The following ATG14 variants were observed in gnomAD, a reference collection of about 807,000 sequenced individuals.
The protein encoded by ATG14 is autophagy related 14.
ATG14 carries 35 observed loss-of-function variants against 60.4 expected under a neutral mutation model. The ratio of observed to expected loss-of-function variants is 0.58; its 90% CI spans 0.44 to 0.77. ATG14 has a LOEUF of 0.77. Ranked by LOEUF, ATG14 falls within the 30% of genes least tolerant of loss-of-function variation. The pLI is 0.00. For synonymous variants in ATG14, 234 were observed against 228.8 expected (o/e 1.02, Z -0.21); for missense variants, 647 against 626.3 (o/e 1.03, Z -0.35).
intron 4 of ATG14, among the ~76,000 whole-genome samples, chr14:55,390,685 T>C (rs74948552): frequency 0.02 from 3,030 of 152,312 alleles, 80 homozygotes; most frequent in African/African-American, 0.069. Context: ...ACTTTTTTAA[T>C]TGAGAAAAGA....
intron 5 of ATG14, among the ~76,000 whole-genome samples, chr14:55,384,402 T>C (rs928325107): frequency 4.6e-5 from 7 of 152,224 alleles, no homozygotes; most frequent in Admixed American, 1.3e-4. Context: ...TCAGCACTGC[T>C]ACAACACTAT....
intron 9 of ATG14, among the ~76,000 whole-genome samples, chr14:55,372,681 C>T (rs1364814067): frequency 6.6e-6 from 1 of 151,654 alleles, no homozygotes; most frequent in East Asian, 1.9e-4. Context: ...CTCCCTGCTC[C>T]CTTCCTTCCT....
chr14:55,371,014 C>A (rs1036993821), intron 9 of ATG14, among the ~76,000 whole-genome samples: 6 of 152,156 alleles, frequency 3.9e-5, no homozygotes, highest in African/African-American at 1.4e-4. Flanking sequence ...GGCTGCATGT[C>A]CTCCCTGTAG....
chr14:55,377,762 A>C, intron 9 of ATG14, 57 bp downstream of exon 9: 1 of 1,307,244 alleles, frequency 7.6e-7, no homozygotes, highest in Non-Finnish European at 1.1e-6. Context: ...CCAACATACA[A>C]CTCCTCTAAC....
Position 55,397,453 on chromosome 14 carries a change from A to T in ATG14, c.222-19T>A, listed in dbSNP as rs375710925. 1 of 1,596,820 alleles carries T rather than the reference A, an allele frequency of 6.3e-7. No individual in the cohort carries two copies. Among genetic ancestry groups the T allele is most frequent in the Non-Finnish European group, 8.6e-7 (1 of 1,164,912 alleles). On this transcript the variant is annotated intron_variant, in intron 1 of 9. Coordinates refer to ENST00000247178, the MANE Select transcript of ATG14 (RefSeq NM_014924.5). ...GATAAACCTGTAACAAAAAAATTCA[A>T]TGTCTTATTTAAATGGTCATTTTTT...
At chr14:55,379,642 T>A (rs899809481) in intron 7 of ATG14, among the ~76,000 whole-genome samples, 10 of 152,368 alleles carry the variant, frequency 6.6e-5, no homozygotes, top group African/African-American at 2.4e-4. Context: ...TGTTTATATA[T>A]GCTTGAAATG....
At chr14:55,373,010 G>GAGGGTCCTGGC (rs11275289) in intron 9 of ATG14, among the ~76,000 whole-genome samples, 58,945 of 151,710 alleles carry the variant, frequency 0.39, 11,761 homozygotes, top group Non-Finnish European at 0.42. Context: ...AGAGCAGGAG[G>GAGGGTCCTGGC]AGAGGCCCCT....
At chr14:55,406,400 G>C (rs1051039165) in intron 1 of ATG14, among the ~76,000 whole-genome samples, 1 of 152,232 alleles carries the variant, frequency 6.6e-6, no homozygotes, top group Non-Finnish European at 1.5e-5. Context: ...TACAGTTAGT[G>C]AGGGGCTTTT....
chr14:55,402,395 T>C (rs79911329), intron 1 of ATG14, among the ~76,000 whole-genome samples: 8,938 of 152,272 alleles, frequency 0.059, 334 homozygotes, highest in South Asian at 0.089. Context: ...ATATTCGACC[T>C]TTTGATTCGG....
chr14:55,373,210 A>G (rs908258605), intron 9 of ATG14, among the ~76,000 whole-genome samples: 1 of 152,162 alleles, frequency 6.6e-6, no homozygotes, highest in Non-Finnish European at 1.5e-5. Context: ...TGAATAATGG[A>G]TATCTTTTTA....
chr14:55,395,416 G>A (rs934905005), intron 3 of ATG14, among the ~76,000 whole-genome samples: 3 of 152,216 alleles, frequency 2.0e-5, no homozygotes, highest in East Asian at 1.9e-4. Flanking sequence ...GCTGTGGCAC[G>A]ATCTTGGCTC....
At chr14:55,406,029 C>CA (rs1186094610) in intron 1 of ATG14, among the ~76,000 whole-genome samples, 7 of 152,060 alleles carry the variant, frequency 4.6e-5, no homozygotes, top group East Asian at 1.9e-4. Context: ...CGAACAACGA[C>CA]AAAAAAATAA....
At position 55,367,462 on chromosome 14, in the gene ATG14, G is replaced by T. The variant is rs1468483522; in HGVS notation, c.*2157C>A. ...AGCAGTGTAGAAGAACCCATAAGGG[G>T]CCGGGCGCGGTGGCTCAGGCCTGTA... is the stretch of plus-strand genomic sequence containing the variant. On this transcript the variant is annotated 3_prime_UTR_variant, in exon 10 of 10. Transcript: ENST00000247178. The T allele has an allele frequency of 6.6e-6, 1 of 152,230 alleles. No individual in the cohort carries two copies. The highest frequency in any genetic ancestry group is 2.4e-5 in the African/African-American group (1 of 41,450). 9.4% of individuals were successfully genotyped at this position (152,230 alleles called of 1,614,324 possible).
At chr14:55,376,744 C>T (rs1884925436) in intron 9 of ATG14, among the ~76,000 whole-genome samples, 2 of 152,152 alleles carry the variant, frequency 1.3e-5, no homozygotes. Flanking sequence ...TTTGTCTTTT[C>T]TTGAGTTCTC....
At position 55,377,112 on chromosome 14, in the gene ATG14, C is replaced by T. The variant is rs539715121; in HGVS notation, c.1172+707G>A. On this transcript the variant is annotated intron_variant, in intron 9 of 9. Transcript: ENST00000247178. ...CTGTAATCCCAGCACTTTGGGAAGCCGAAGCGGGTGGATCACCAGAGGTCA... is the reference window on the plus strand; with the variant it reads ...CTGTAATCCCAGCACTTTGGGAAGCTGAAGCGGGTGGATCACCAGAGGTCA... Among the ~76,000 whole-genome samples, 3 of 152,232 alleles carry T rather than the reference C, an allele frequency of 2.0e-5. No homozygotes were observed. In the South Asian group the frequency reaches 6.2e-4, roughly 32 times the overall value.
intron 1 of ATG14, among the ~76,000 whole-genome samples, chr14:55,406,440 G>A (rs532918572): frequency 1.3e-5 from 2 of 152,248 alleles, no homozygotes; most frequent in Admixed American, 6.5e-5. Flanking sequence ...AGAGTCTAAA[G>A]GCAATCACAG....
At position 55,367,632 on chromosome 14, in the gene ATG14, T is replaced by C. The variant is rs1436449004; in HGVS notation, c.*1987A>G. The C allele has an allele frequency of 6.6e-6, 1 of 152,122 alleles. No homozygotes were observed. Among genetic ancestry groups the C allele is most frequent in the Non-Finnish European group, 1.5e-5 (1 of 68,070 alleles). 9.4% of individuals were successfully genotyped at this position (152,122 alleles called of 1,614,324 possible). A position where few individuals can be genotyped will look rare whatever the true frequency, so the allele number is the denominator to read the frequency against. On this transcript the variant is annotated 3_prime_UTR_variant, in exon 10 of 10. Transcript: ENST00000247178. ...GATGGCAGGTGCCTATAATCCCAGCTACTCGGGAGGTTGAGATGGAAGAAT... is the reference window on the plus strand; with the variant it reads ...GATGGCAGGTGCCTATAATCCCAGCCACTCGGGAGGTTGAGATGGAAGAAT...
In ATG14 at chr14:55,367,960, AAG is replaced by A. The variant is rs2140111752; in HGVS notation, c.*1657_*1658del. On this transcript the variant is annotated 3_prime_UTR_variant, in exon 10 of 10. Coordinates refer to ENST00000247178, the MANE Select transcript of ATG14 (RefSeq NM_014924.5). ...TCAACTACAATTATTATGATGAGAA[AAG>A]AAGCTGGGGCATGGCAAACCTCTGA... The A allele has an allele frequency of 6.5e-6, 1 of 152,708 alleles. No homozygotes were observed. The highest frequency in any genetic ancestry group is 1.9e-4 in the East Asian group (1 of 5,194). The allele number at this position is 152,708 out of a possible 1,614,324, so 9.5% of individuals were successfully genotyped here.
intron 1 of ATG14, among the ~76,000 whole-genome samples, chr14:55,404,298 C>A (rs769434650): frequency 6.6e-6 from 1 of 152,198 alleles, no homozygotes; most frequent in Non-Finnish European, 1.5e-5. Context: ...TGAAATCTCA[C>A]AATGACACCT....
Sources: allele counts gnomAD v4.1 joint callset (sites outside exome capture counted in the v4.1 genomes callset), GRCh38; gene constraint gnomAD v4.1.1; transcripts MANE v1.5; gene names NCBI Gene and HGNC (gene_info 2026-07-23, HGNC 2026-07-21).